The following CKM variants were observed in gnomAD, a reference collection of about 807,000 sequenced individuals.
CKM encodes creatine kinase M-type.
In CKM, 28 loss-of-function variants were observed where a neutral mutation model predicts 35.4. That is an observed-to-expected ratio of 0.79 (90% CI 0.59 to 1.08). The LOEUF (loss-of-function observed/expected upper bound fraction) is 1.08. Among genes scored for constraint, CKM ranks in the 50% least tolerant of loss-of-function variants. The pLI is 0.00. For synonymous variants in CKM, 215 were observed against 204.4 expected, an observed-to-expected ratio of 1.05 and a Z score of -0.44; for missense variants, 484 against 509.8, an observed-to-expected ratio of 0.95 and a Z score of 0.49.
At chr19:45,307,869 T>G (rs914667392) in intron 6 of CKM, among the ~76,000 whole-genome samples, 90 of 146,134 alleles carry the variant, frequency 6.2e-4, no homozygotes, top group Non-Finnish European at 8.8e-4. Context: ...AAGGCGGGTT[T>G]TTTTTTTTTT....
intron 3 of CKM, among the ~76,000 whole-genome samples, chr19:45,317,564 G>T (rs981937747): frequency 6.6e-6 from 1 of 151,542 alleles, no homozygotes; most frequent in Non-Finnish European, 1.5e-5. Flanking sequence ...TGGGATTACA[G>T]GCGTGAGCCA....
chr19:45,315,425 G>C, intron 4 of CKM, 40 bp downstream of exon 4: 1 of 1,592,472 alleles, frequency 6.3e-7, no homozygotes, highest in Non-Finnish European at 8.5e-7. Flanking sequence ...CAGAGCCAGG[G>C]CTGGGTGACC....
chr19:45,315,668 G>C (rs2123140569), intron 3 of CKM, 71 bp from the exon 4 acceptor site: 1 of 1,571,226 alleles, frequency 6.4e-7, no homozygotes, highest in Non-Finnish European at 8.6e-7. Flanking sequence ...GTCTCCCCCA[G>C]ATGCTCCCCT....
chr19:45,321,710 C>T (rs540941626), intron 1 of CKM, among the ~76,000 whole-genome samples: 57 of 152,096 alleles, frequency 3.7e-4, no homozygotes, highest in Admixed American at 1.6e-3. Flanking sequence ...CCTCCAGCAT[C>T]GGCCTCCCAA....
At chr19:45,321,363 A>G (rs1366895465) in intron 1 of CKM, among the ~76,000 whole-genome samples, 1 of 152,116 alleles carries the variant, frequency 6.6e-6, no homozygotes, top group Non-Finnish European at 1.5e-5. Flanking sequence ...GCCTGCTGAC[A>G]GTTCTCCCAC....
chr19:45,310,121 T>TC (rs1224377112), intron 5 of CKM, among the ~76,000 whole-genome samples: 1 of 139,272 alleles, frequency 7.2e-6, no homozygotes, highest in East Asian at 2.1e-4. Context: ...CACTGCTTTT[T>TC]TTTTTTTTTT....
Position 45,311,760 on chromosome 19 carries a change from G to A in CKM, c.642C>T (p.Ala214=). ...ASGMARDWPD[A]RGIWHNDNKS... is the part of the protein sequence containing the mutation. The stretch of plus-strand genomic sequence containing the variant: ...GGGAGGGGCCTCACCAGATGCCACG[G>A]GCGTCGGGCCAGTCGCGGGCCATGC... Residue 214 remains alanine, a synonymous_variant, in exon 5 of 8, where the codon GCC becomes GCT. Coordinates refer to ENST00000221476, the MANE Select transcript of CKM (RefSeq NM_001824.5). The A allele has an allele frequency of 6.3e-7, 1 of 1,586,320 alleles. No homozygotes were observed. The highest frequency in any genetic ancestry group is 8.6e-7 in the Non-Finnish European group (1 of 1,167,176).
chr19:45,306,942 G>A lies in CKM; in HGVS notation c.968-14C>T. ...TGTCCACGCCACCTGTGGGAGCAAGGGACAGGGGCGTGAAGAGGCAGCGAA... is the reference window on the plus strand; with the variant it reads ...TGTCCACGCCACCTGTGGGAGCAAGAGACAGGGGCGTGAAGAGGCAGCGAA... On this transcript the variant is annotated splice_polypyrimidine_tract_variant and intron_variant, in intron 7 of 7. Transcript: ENST00000221476. This position sits in a 1 kb window ranked among gnomAD's most constrained non-coding sequence, Gnocchi z 4.5. 1 of 1,613,034 alleles carries A rather than the reference G, an allele frequency of 6.2e-7. No individual in the cohort carries two copies. Among genetic ancestry groups the A allele is most frequent in the Non-Finnish European group, 8.5e-7 (1 of 1,179,964 alleles).
chr19:45,311,875 A>G lies in CKM; in HGVS notation c.527T>C (p.Leu176Pro), dbSNP rs139922517. The part of the protein sequence containing the change: ...TGEFKGKYYP[L>P]KSMTEKEQQQ... The stretch of plus-strand genomic sequence containing the variant: ...CTGCTCCTTCTCCGTCATGCTCTTC[A>G]GAGGGTAGTACTTCCCTTTGAACTC... Residue 176 changes from leucine (L) to proline (P), a missense_variant, in exon 5 of 8, where the codon CTG becomes CCG. Leu to Pro is a moderately conservative substitution (Grantham distance 98). Coordinates refer to ENST00000221476, the MANE Select transcript of CKM (RefSeq NM_001824.5). 3.1e-6 allele frequency: 5 copies of G among 1,613,916 alleles called. No homozygotes were observed. Among genetic ancestry groups the G allele is most frequent in the East Asian group, 2.2e-5 (1 of 44,904 alleles).
chr19:45,312,326 G>A (rs1427654182), intron 4 of CKM, among the ~76,000 whole-genome samples: 2 of 152,148 alleles, frequency 1.3e-5, no homozygotes, highest in South Asian at 2.1e-4. Context: ...GCACTGGCAC[G>A]AGCCTGTAGT....
chr19:45,311,127 A>G (rs898261800), intron 5 of CKM, among the ~76,000 whole-genome samples: 1 of 148,066 alleles, frequency 6.8e-6, no homozygotes, highest in Non-Finnish European at 1.5e-5. Flanking sequence ...TATGTTGCCC[A>G]GGCTGGTCTA....
intron 3 of CKM, among the ~76,000 whole-genome samples, chr19:45,316,332 A>C (rs902576266): frequency 6.7e-6 from 1 of 149,758 alleles, no homozygotes; most frequent in Non-Finnish European, 1.5e-5. Context: ...TCTGTCTCAA[A>C]AAAAAAAAAA....
At chr19:45,308,257 G>T (rs1189808967) in intron 6 of CKM, 152 bp downstream of exon 6, 9 of 918,648 alleles carry the variant, frequency 9.8e-6, no homozygotes, top group Non-Finnish European at 1.5e-5. Context: ...TTGGGGGGCG[G>T]GGTTTGGCAT....
intron 1 of CKM, among the ~76,000 whole-genome samples, chr19:45,321,966 A>G (rs1171512188): frequency 6.6e-6 from 1 of 152,080 alleles, no homozygotes; most frequent in Non-Finnish European, 1.5e-5. Flanking sequence ...GGTTATTTTT[A>G]GAATCTGGCA....
chr19:45,320,080 CA>C (rs1971199605), intron 1 of CKM, among the ~76,000 whole-genome samples: 2 of 133,050 alleles, frequency 1.5e-5, no homozygotes, highest in African/African-American at 5.7e-5. Context: ...TGAGCCACTG[CA>C]CCCGGCCTTT....
In CKM at chr19:45,310,759, C is replaced by CTTTT. The variant is rs3047558; in HGVS notation, c.653+986_653+989dup. 1.3e-3 allele frequency among the ~76,000 whole-genome samples: 63 copies of CTTTT among 50,286 alleles called. 6 individuals carry two copies. The highest frequency in any genetic ancestry group is 1.6e-3 in the Non-Finnish European group (44 of 28,294). The allele number at this position is 50,286 out of a possible 152,430, so 33.0% of individuals were successfully genotyped here. A position where few individuals can be genotyped will look rare whatever the true frequency, so the allele number is the denominator to read the frequency against. On this transcript the variant is annotated intron_variant, in intron 5 of 7. Coordinates refer to ENST00000221476, the MANE Select transcript of CKM (RefSeq NM_001824.5). Reference sequence around the variant, plus strand: ...CACAGGTATACGCCATCACGCCTGGCTTTTTTTTTTTTTTTTTTTTTTTTT... The same window carrying CTTTT: ...CACAGGTATACGCCATCACGCCTGGCTTTTTTTTTTTTTTTTTTTTTTTTTTTTT...
Position 45,319,635 on chromosome 19 carries a change from T to TA in CKM, c.78dup (p.Asn27Ter). The TA allele has an allele frequency of 6.2e-7, 1 of 1,614,132 alleles. No homozygotes were observed. The highest frequency in any genetic ancestry group is 1.1e-5 in the South Asian group (1 of 91,080). ...GTCAGTACCTTGGCCATGTGGTTGT[T>TA]ATGTTTGCTGAGGTCGGGGTACTCC... On this transcript the variant is annotated frameshift_variant, in exon 2 of 8. Transcript: ENST00000221476. LOFTEE classifies it high-confidence loss of function.
intron 4 of CKM, among the ~76,000 whole-genome samples, chr19:45,312,976 T>C (rs998589967): frequency 6.7e-6 from 1 of 149,830 alleles, no homozygotes; most frequent in Non-Finnish European, 1.5e-5. Context: ...AGAAAAAAAA[T>C]TGTGTGTTTA....
At chr19:45,317,731 C>T in intron 3 of CKM, 94 bp downstream of exon 3, 1 of 1,378,434 alleles carries the variant, frequency 7.3e-7, no homozygotes, top group South Asian at 1.2e-5. Flanking sequence ...CTCTGTGTCT[C>T]TCTCTGTCTC....
Sources: gnomAD v4.1 joint callset for allele counts (sites outside exome capture counted in the v4.1 genomes callset) on GRCh38, gnomAD v4.1.1 for gene constraint, Gnocchi (gnomAD v3.1) non-coding constraint, MANE v1.5 for transcripts, NCBI Gene and HGNC (gene_info 2026-07-23, HGNC 2026-07-21) for gene names.